ERVK3-1: variants seen among roughly 807,000 people sequenced by gnomAD.
ERVK3-1 encodes endogenous retrovirus group K3 member 1.
At chr19:58,316,319 CT>C (rs2051592519), downstream of ERVK3-1, among the ~76,000 whole-genome samples, 1 of 152,150 alleles carries the variant, frequency 6.6e-6, no homozygotes, top group Admixed American at 6.5e-5. Context: ...GAGGCCACCC[CT>C]CTCTTTAAAC....
At chr19:58,307,604 ACCGCCCCCCCCTCC>A (rs961466416) in intron 2 of ERVK3-1, among the ~76,000 whole-genome samples, 1 of 144,250 alleles carries the variant, frequency 6.9e-6, no homozygotes, top group African/African-American at 2.9e-5. Flanking sequence ...ACAATGCAAT[ACCGCCCCCCCCTCC>A]CCGCCCCGCT....
chr19:58,308,087 T>C (rs1317535416), intron 2 of ERVK3-1, among the ~76,000 whole-genome samples: 1 of 152,226 alleles, frequency 6.6e-6, no homozygotes, highest in Admixed American at 6.5e-5. Context: ...TGTCACAAGA[T>C]CTTTGGGTTT....
At chr19:58,306,606 T>C (rs909628934) in intron 2 of ERVK3-1, 1 of 152,314 alleles carries the variant, frequency 6.6e-6, no homozygotes, top group African/African-American at 2.4e-5. Context: ...AAGAATCTTT[T>C]GTCTCACCAG....
intron 2 of ERVK3-1, among the ~76,000 whole-genome samples, chr19:58,306,816 C>G (rs1004411119): frequency 2.0e-5 from 3 of 151,996 alleles, no homozygotes; most frequent in Non-Finnish European, 2.9e-5. Context: ...TTCATGAACA[C>G]ACTCCAGTAA....
At chr19:58,306,808 C>T (rs1319032632) in intron 2 of ERVK3-1, among the ~76,000 whole-genome samples, 2 of 152,114 alleles carry the variant, frequency 1.3e-5, no homozygotes, top group Non-Finnish European at 2.9e-5. Context: ...GCAGTTTATT[C>T]ATGAACACAC....
chr19:58,305,515 C>T, intron 1 of ERVK3-1, 70 bp downstream of exon 1: 1 of 152,632 alleles, frequency 6.6e-6, no homozygotes, highest in Non-Finnish European at 1.5e-5. Flanking sequence ...CCTAAGTGTG[C>T]TGATGGTGGG....
rs367823380 is a variant in ERVK3-1, at chr19:58,314,744, A to G, written c.295-4A>G. 2 of 399,072 alleles carry G rather than the reference A, an allele frequency of 5.0e-6. No homozygotes were observed. Among genetic ancestry groups the G allele is most frequent in the African/African-American group, 4.1e-5 (2 of 48,314 alleles). 24.7% of individuals were successfully genotyped at this position (399,072 alleles called of 1,614,324 possible). ...TTGTTATGTCTCTGTTTTTTTGCTC[A>G]TAGTCTATAGGATCGGGTGAACCAC... On this transcript the variant is annotated splice_polypyrimidine_tract_variant and splice_region_variant and intron_variant, in intron 3 of 3. Coordinates refer to ENST00000413518, the Ensembl canonical transcript of ERVK3-1.
rs2051560296 is a variant in ERVK3-1 at position 58,312,145 on chromosome 19, G to C, written c.-3-21G>C. On this transcript the variant is annotated intron_variant, in intron 2 of 3. Coordinates refer to ENST00000413518, the Ensembl canonical transcript of ERVK3-1. The surrounding 1 kb of genome is among the most constrained non-coding windows in gnomAD (Gnocchi z 4.7). The stretch of plus-strand genomic sequence containing the variant: ...GTGGATTTGCTGACGTGGGGACGAG[G>C]GTATGCTTGTGTTTTTACAGGAGAT... 1 of 400,114 alleles carries C rather than the reference G, an allele frequency of 2.5e-6. No individual in the cohort carries two copies. The highest frequency in any genetic ancestry group is 4.4e-6 in the Non-Finnish European group (1 of 226,094). 24.8% of individuals were successfully genotyped at this position (400,114 alleles called of 1,614,324 possible). A position where few individuals can be genotyped will look rare whatever the true frequency, so the allele number is the denominator to read the frequency against.
intron 3 of ERVK3-1, among the ~76,000 whole-genome samples, chr19:58,314,300 G>A (rs1368649425): frequency 1.3e-5 from 2 of 152,098 alleles, no homozygotes; most frequent in African/African-American, 4.8e-5. Flanking sequence ...GCCCTTTTTA[G>A]AAGCTTAAAC....
intron 1 of ERVK3-1, 124 bp from the exon 2 acceptor site, chr19:58,305,964 T>C (rs1314059074): frequency 6.6e-6 from 1 of 152,208 alleles, no homozygotes; most frequent in Admixed American, 6.5e-5. Context: ...CTAACAAATA[T>C]GAAGGGCTGT....
At chr19:58,311,188 T>C (rs936402681) in intron 2 of ERVK3-1, 1 of 152,394 alleles carries the variant, frequency 6.6e-6, no homozygotes, top group African/African-American at 2.4e-5. Flanking sequence ...TATTTTATTA[T>C]ACTGGAACAG....
chr19:58,312,422 A>G lies in ERVK3-1; in HGVS notation c.254A>G (p.Asp85Gly), dbSNP rs1329196677. The G allele has an allele frequency of 1.0e-5, 4 of 399,812 alleles. No homozygotes were observed. Among genetic ancestry groups the G allele is most frequent in the Non-Finnish European group, 1.8e-5 (4 of 226,040 alleles). The allele number at this position is 399,812 out of a possible 1,614,324, so 24.8% of individuals were successfully genotyped here. ...CGCCAGGGTCAGGCAAAAACCCCTG[A>G]CTCCATGTTCTTGGCCATGCTAGCT... Residue 85 changes from aspartate (D) to glycine (G), a missense_variant, in exon 3 of 4, where the codon GAC becomes GGC. Transcript: ENST00000413518. This position sits in a 1 kb window ranked among gnomAD's most constrained non-coding sequence, Gnocchi z 4.7.
rs2051568130 is a variant in ERVK3-1, at chr19:58,313,159, C to G, written c.294+697C>G. On this transcript the variant is annotated intron_variant, in intron 3 of 3. Transcript: ENST00000413518. This position sits in a 1 kb window ranked among gnomAD's most constrained non-coding sequence, Gnocchi z 4.5. ...TCAGGAATCGATATGGAAGGCAACA[C>G]TCCCATTTATGAATAACAGCATCTG... 2 of 152,246 alleles carry G rather than the reference C, an allele frequency of 1.3e-5. No homozygotes were observed. Among genetic ancestry groups the G allele is most frequent in the South Asian group, 4.1e-4 (2 of 4,830 alleles). The allele number at this position is 152,246 out of a possible 1,614,324, so 9.4% of individuals were successfully genotyped here.
At chr19:58,314,676 A>G (rs2051579319) in intron 3 of ERVK3-1, 72 bp from the exon 4 acceptor site, 1 of 398,164 alleles carries the variant, frequency 2.5e-6, no homozygotes, top group Non-Finnish European at 4.4e-6. Context: ...CCTACCTTAA[A>G]CATAACTTCA....
intron 2 of ERVK3-1, chr19:58,309,310 T>A: frequency 6.6e-6 from 1 of 152,208 alleles, no homozygotes. Flanking sequence ...GGGCTTTAAC[T>A]AAATGGAATC....
chr19:58,316,160 AC>A (rs1456376205), downstream of ERVK3-1, among the ~76,000 whole-genome samples: 1 of 152,002 alleles, frequency 6.6e-6, no homozygotes, highest in African/African-American at 2.4e-5. Flanking sequence ...TCTAAAACAC[AC>A]CCTGCTTCTG....
At chr19:58,305,955 T>A (rs2051520305) in intron 1 of ERVK3-1, 133 bp from the exon 2 acceptor site, 1 of 152,176 alleles carries the variant, frequency 6.6e-6, no homozygotes. Flanking sequence ...TCAGTCTACC[T>A]AACAAATATG....
At chr19:58,306,910 G>A (rs1352280236) in intron 2 of ERVK3-1, among the ~76,000 whole-genome samples, 1 of 152,210 alleles carries the variant, frequency 6.6e-6, no homozygotes, top group Non-Finnish European at 1.5e-5. Flanking sequence ...GTTAGAATCT[G>A]TATTCAGCAC....
downstream of ERVK3-1, among the ~76,000 whole-genome samples, chr19:58,316,105 A>G (rs923541713): frequency 6.6e-6 from 1 of 152,186 alleles, no homozygotes; most frequent in Non-Finnish European, 1.5e-5. Flanking sequence ...ACAGTGGCAC[A>G]GGAGGCAGGT....
Sources: gnomAD v4.1 joint callset for allele counts (sites outside exome capture counted in the v4.1 genomes callset) on GRCh38, gnomAD v4.1.1 for gene constraint, Gnocchi (gnomAD v3.1) non-coding constraint, MANE v1.5 for transcripts, NCBI Gene and HGNC (gene_info 2026-07-23, HGNC 2026-07-21) for gene names.